ZFAND3: variants seen among roughly 807,000 people sequenced by gnomAD.
ZFAND3 encodes the protein zinc finger AN1-type containing 3.
In ZFAND3, 10 loss-of-function variants were observed where a neutral mutation model predicts 29.6. The observed-to-expected ratio is 0.34, with a 90% confidence interval of 0.21 to 0.57. The LOEUF (loss-of-function observed/expected upper bound fraction) is 0.57. Ranked by LOEUF, ZFAND3 falls within the 20% of genes least tolerant of loss-of-function variation. ZFAND3 has a pLI of 0.86. For synonymous variants in ZFAND3, 128 were observed against 112.6 expected (o/e 1.14, Z -0.87); for missense variants, 230 against 304.5 (o/e 0.76, Z 1.82).
intron 3 of ZFAND3, among the ~76,000 whole-genome samples, chr6:38,075,126 T>C (rs9380717): frequency 0.056 from 8,548 of 152,260 alleles, 650 homozygotes; most frequent in East Asian, 0.38. Context: ...CTGTAGTCCA[T>C]GGATTAAGGA....
intron 2 of ZFAND3, among the ~76,000 whole-genome samples, chr6:37,969,501 G>T (rs1762349311): frequency 6.6e-6 from 1 of 152,196 alleles, no homozygotes; most frequent in Admixed American, 6.5e-5. Flanking sequence ...ATAATAATGT[G>T]CTGAATATCT....
chr6:38,122,384 C>A (rs184290493), intron 5 of ZFAND3, among the ~76,000 whole-genome samples: 4 of 152,234 alleles, frequency 2.6e-5, no homozygotes, highest in African/African-American at 9.6e-5. Flanking sequence ...AGTGCAGACA[C>A]AACCATCATA....
intron 2 of ZFAND3, among the ~76,000 whole-genome samples, chr6:38,004,534 TAC>T (rs56068930): frequency 0.28 from 40,856 of 147,208 alleles, 6,296 homozygotes; most frequent in East Asian, 0.54. Flanking sequence ...TAAAGCTGTC[TAC>T]ACACACACAC....
chr6:37,834,129 C>T (rs1763918286), intron 1 of ZFAND3, among the ~76,000 whole-genome samples: 1 of 152,094 alleles, frequency 6.6e-6, no homozygotes, highest in Non-Finnish European at 1.5e-5. Flanking sequence ...TAGAACATTT[C>T]ACTGCCGTAA....
At chr6:38,135,853 A>G (rs1057420183) in intron 5 of ZFAND3, among the ~76,000 whole-genome samples, 3 of 152,162 alleles carry the variant, frequency 2.0e-5, no homozygotes, top group African/African-American at 7.2e-5. Flanking sequence ...AGCATCACCA[A>G]GTTTGGCCTG....
intron 2 of ZFAND3, among the ~76,000 whole-genome samples, chr6:38,052,901 G>T (rs1033192269): frequency 1.3e-5 from 2 of 152,056 alleles, no homozygotes; most frequent in African/African-American, 4.8e-5. Flanking sequence ...AGGTGTGGTG[G>T]TGCACGCCTG....
At chr6:37,912,984 TAGCA>T (rs1765549914) in intron 1 of ZFAND3, among the ~76,000 whole-genome samples, 1 of 152,220 alleles carries the variant, frequency 6.6e-6, no homozygotes, top group Non-Finnish European at 1.5e-5. Context: ...AAATGTATAA[TAGCA>T]TTATGTCTAA....
intron 2 of ZFAND3, among the ~76,000 whole-genome samples, chr6:37,968,856 C>G (rs536457586): frequency 6.6e-6 from 1 of 152,106 alleles, no homozygotes; most frequent in African/African-American, 2.4e-5. Context: ...TTGAAACACC[C>G]GAGTGTGTCC....
chr6:37,956,000 T>C (rs1333468376), intron 2 of ZFAND3, among the ~76,000 whole-genome samples: 1 of 152,102 alleles, frequency 6.6e-6, no homozygotes, highest in Non-Finnish European at 1.5e-5. Context: ...GGTGGAGGGT[T>C]GTTGATGAAC....
chr6:37,868,748 A>G (rs1479906263), intron 1 of ZFAND3, among the ~76,000 whole-genome samples: 1 of 152,194 alleles, frequency 6.6e-6, no homozygotes, highest in Non-Finnish European at 1.5e-5. Flanking sequence ...ATTTTTAAAT[A>G]TATTACTAGA....
At chr6:37,972,148 C>T (rs1031311029) in intron 2 of ZFAND3, among the ~76,000 whole-genome samples, 2 of 152,092 alleles carry the variant, frequency 1.3e-5, no homozygotes, top group African/African-American at 4.8e-5. Flanking sequence ...AACTTGTTTG[C>T]AATTTATTAG....
chr6:37,864,770 CAT>C lies in ZFAND3; in HGVS notation c.71+44755_71+44756del, dbSNP rs1554150136. Among the ~76,000 whole-genome samples, 352 of 132,680 alleles carry C rather than the reference CAT, an allele frequency of 2.7e-3. 1 individual carries two copies. Among genetic ancestry groups the C allele is most frequent in the Non-Finnish European group, 4.5e-3 (252 of 55,716 alleles). The allele number at this position is 132,680 out of a possible 152,430, so 87.0% of individuals were successfully genotyped here. The stretch of plus-strand genomic sequence containing the variant: ...ACACACACACACACACACACACACA[CAT>C]GCACACATACACGCACACTCTCACT... On this transcript the variant is annotated intron_variant, in intron 1 of 5. Coordinates refer to ENST00000287218, the MANE Select transcript of ZFAND3 (RefSeq NM_021943.3).
At chr6:38,136,845 A>G (rs191888830) in intron 5 of ZFAND3, among the ~76,000 whole-genome samples, 1 of 152,352 alleles carries the variant, frequency 6.6e-6, no homozygotes. Context: ...ACAGGATGAC[A>G]TTTGTTTCCC....
chr6:38,144,217 TAATATATATATATA>T (rs1766048145), intron 5 of ZFAND3, among the ~76,000 whole-genome samples: 1 of 98,342 alleles, frequency 1.0e-5, no homozygotes, highest in African/African-American at 5.4e-5. Context: ...ATATAATATA[TAATATATATATATA>T]TTTTTTTTTT....
At chr6:37,992,111 C>T (rs1276562416) in intron 2 of ZFAND3, among the ~76,000 whole-genome samples, 1 of 152,160 alleles carries the variant, frequency 6.6e-6, no homozygotes, top group Admixed American at 6.5e-5. Flanking sequence ...ACTTATGTAA[C>T]AAGTTTGGGA....
chr6:38,071,576 T>G (rs908953835), intron 3 of ZFAND3, among the ~76,000 whole-genome samples: 5 of 152,184 alleles, frequency 3.3e-5, no homozygotes, highest in Non-Finnish European at 1.5e-5. Flanking sequence ...GGAATATACC[T>G]TTATAGTATG....
chr6:37,842,083 A>G (rs1234263152), intron 1 of ZFAND3, among the ~76,000 whole-genome samples: 1 of 152,118 alleles, frequency 6.6e-6, no homozygotes, highest in Non-Finnish European at 1.5e-5. Flanking sequence ...TTATAAAGGT[A>G]CTAATTCCAT....
intron 2 of ZFAND3, among the ~76,000 whole-genome samples, chr6:37,939,187 C>T (rs1006772619): frequency 6.6e-6 from 1 of 152,328 alleles, no homozygotes. Context: ...TTTATTCTCT[C>T]ACAGTTCTGG....
intron 1 of ZFAND3, among the ~76,000 whole-genome samples, chr6:37,843,988 G>C (rs574540284): frequency 6.6e-5 from 10 of 152,124 alleles, no homozygotes; most frequent in Admixed American, 2.0e-4. Context: ...TGTGATCTTG[G>C]CTCACTGTCA....
Sources: gnomAD v4.1 joint callset for allele counts (sites outside exome capture counted in the v4.1 genomes callset) on GRCh38, gnomAD v4.1.1 for gene constraint, MANE v1.5 for transcripts, NCBI Gene and HGNC (gene_info 2026-07-23, HGNC 2026-07-21) for gene names.